ELP3: variants seen among roughly 807,000 people sequenced by gnomAD.
The protein encoded by ELP3 is elongator acetyltransferase complex subunit 3, also known as elongator complex protein 3.
Under a neutral mutation model 74.9 loss-of-function variants are expected in ELP3, and 56 were observed. That is an observed-to-expected ratio of 0.75 (90% CI 0.60 to 0.93). The LOEUF is 0.93. Among genes scored for constraint, ELP3 ranks in the 40% least tolerant of loss-of-function variants. ELP3 has a pLI of 0.00. For synonymous variants in ELP3, 222 were observed against 239.8 expected (o/e 0.93, Z 0.68); for missense variants, 573 against 686.5 (o/e 0.83, Z 1.85).
chr8:28,187,854 C>T (rs145761093), intron 14 of ELP3, among the ~76,000 whole-genome samples: 16 of 152,200 alleles, frequency 1.1e-4, no homozygotes, highest in African/African-American at 2.4e-4. Flanking sequence ...CACCTGTGGA[C>T]GAATCTGAGG....
chr8:28,166,519 A>G (rs750077679), intron 14 of ELP3, among the ~76,000 whole-genome samples: 3 of 152,314 alleles, frequency 2.0e-5, no homozygotes, highest in Non-Finnish European at 4.4e-5. Flanking sequence ...ACGTCTGTTC[A>G]AGGTTAACAA....
intron 1 of ELP3, among the ~76,000 whole-genome samples, chr8:28,094,785 T>A (rs1461498760): frequency 6.6e-6 from 1 of 152,196 alleles, no homozygotes; most frequent in African/African-American, 2.4e-5. Context: ...TCTTTTCCGT[T>A]ACCACACAGC....
At chr8:28,123,858 A>G (rs1199333886) in intron 7 of ELP3, among the ~76,000 whole-genome samples, 1 of 151,542 alleles carries the variant, frequency 6.6e-6, no homozygotes, top group Non-Finnish European at 1.5e-5. Flanking sequence ...CCTGTGTATT[A>G]TCCTTTTCCA....
At position 28,113,002 on chromosome 8, in the gene ELP3, A is replaced by C; in HGVS notation, c.463-17A>C. 6.2e-7 allele frequency: 1 copy of C among 1,610,616 alleles called. No homozygotes were observed. Among genetic ancestry groups the C allele is most frequent in the Non-Finnish European group, 8.5e-7 (1 of 1,178,382 alleles). The stretch of plus-strand genomic sequence containing the variant: ...TTATGCTTATATCATTCTAATGCTG[A>C]TGAATTTGTCTTTCAGTTAAAACAA... On this transcript the variant is annotated splice_polypyrimidine_tract_variant and intron_variant, in intron 6 of 14. Coordinates refer to ENST00000256398, the MANE Select transcript of ELP3 (RefSeq NM_018091.6).
chr8:28,176,959 GAT>G (rs968777775), intron 14 of ELP3, among the ~76,000 whole-genome samples: 1 of 152,200 alleles, frequency 6.6e-6, no homozygotes, highest in African/African-American at 2.4e-5. Context: ...AGAGCTGTAA[GAT>G]AACCCACCAG....
chr8:28,092,396 T>C (rs1430397572), upstream of ELP3, among the ~76,000 whole-genome samples: 1 of 152,080 alleles, frequency 6.6e-6, no homozygotes, highest in African/African-American at 2.4e-5. Context: ...GCCTGGCTAA[T>C]TTTTGTATTT....
intron 8 of ELP3, 118 bp downstream of exon 8, chr8:28,129,781 C>A: frequency 8.7e-7 from 1 of 1,152,050 alleles, no homozygotes; most frequent in Non-Finnish European, 1.2e-6. Context: ...ATGGGTATTC[C>A]TCCTTTTCAG....
chr8:28,105,612 C>T (rs1228775996), intron 3 of ELP3, among the ~76,000 whole-genome samples: 13 of 152,206 alleles, frequency 8.5e-5, no homozygotes, highest in Admixed American at 8.5e-4. Flanking sequence ...TAGCTGCATA[C>T]ATAACATGCA....
At chr8:28,128,056 A>G (rs545377119) in intron 7 of ELP3, among the ~76,000 whole-genome samples, 10 of 152,356 alleles carry the variant, frequency 6.6e-5, no homozygotes, top group East Asian at 1.9e-4. Context: ...GTAAAGAACA[A>G]TGAACTTCTT....
chr8:28,101,590 CTTT>C (rs11406521), intron 3 of ELP3, among the ~76,000 whole-genome samples: 12 of 142,950 alleles, frequency 8.4e-5, no homozygotes, highest in Non-Finnish European at 9.1e-5. Flanking sequence ...TCTTGACTTT[CTTT>C]TTTTTTTTTT....
intron 10 of ELP3, among the ~76,000 whole-genome samples, chr8:28,152,514 G>A (rs780259574): frequency 7.2e-5 from 11 of 152,114 alleles, no homozygotes; most frequent in Non-Finnish European, 1.6e-4. Context: ...TGTATAAGAA[G>A]CTCGGCAGTG....
chr8:28,093,284 C>A (rs542998613), intron 1 of ELP3, 51 bp downstream of exon 1: 1 of 1,607,176 alleles, frequency 6.2e-7, no homozygotes. Context: ...AAGGGGCGAA[C>A]GCCCAGGCAA....
chr8:28,172,948 G>A (rs555148574), intron 14 of ELP3, among the ~76,000 whole-genome samples: 1 of 151,954 alleles, frequency 6.6e-6, no homozygotes, highest in Non-Finnish European at 1.5e-5. Flanking sequence ...TGATTTTTGT[G>A]TGTTGAACTA....
At chr8:28,123,821 T>A (rs2130438388) in intron 7 of ELP3, among the ~76,000 whole-genome samples, 1 of 104,292 alleles carries the variant, frequency 9.6e-6, no homozygotes, top group Admixed American at 1.1e-4. Context: ...TTGGTGTTAA[T>A]TTAGCCGTCA....
At chr8:28,120,665 T>C (rs1433135121) in intron 7 of ELP3, among the ~76,000 whole-genome samples, 1 of 152,234 alleles carries the variant, frequency 6.6e-6, no homozygotes, top group Non-Finnish European at 1.5e-5. Flanking sequence ...TTCTTCTAAT[T>C]ACAGGTTTGA....
chr8:28,108,159 C>T (rs1811770950), intron 5 of ELP3, among the ~76,000 whole-genome samples, 183 bp downstream of exon 5: 1 of 152,204 alleles, frequency 6.6e-6, no homozygotes, highest in African/African-American at 2.4e-5. Context: ...ATTCTAGCCA[C>T]TAGAGAAATA....
chr8:28,182,668 A>G (rs1563293121), intron 14 of ELP3, among the ~76,000 whole-genome samples: 1 of 152,040 alleles, frequency 6.6e-6, no homozygotes, highest in African/African-American at 2.4e-5. Flanking sequence ...CATTTTTACT[A>G]AAGAGCATTG....
intron 11 of ELP3, 88 bp downstream of exon 11, chr8:28,156,120 A>C: frequency 1.9e-6 from 2 of 1,053,936 alleles, no homozygotes; most frequent in Non-Finnish European, 2.9e-6. Context: ...CACCCCTAAA[A>C]CCAGACTTGC....
chr8:28,101,270 A>C (rs1024176122), intron 3 of ELP3, among the ~76,000 whole-genome samples: 2 of 151,964 alleles, frequency 1.3e-5, no homozygotes, highest in African/African-American at 4.8e-5. Flanking sequence ...AAAAAAAAAA[A>C]TTAGCCGGGC....
Sources: gnomAD v4.1 joint callset for allele counts (sites outside exome capture counted in the v4.1 genomes callset) on GRCh38, gnomAD v4.1.1 for gene constraint, MANE v1.5 for transcripts, NCBI Gene and HGNC (gene_info 2026-07-23, HGNC 2026-07-21) for gene names.